CPNE8: variants seen among roughly 807,000 people sequenced by gnomAD.
CPNE8 encodes copine 8, also known as copine-8.
CPNE8 carries 45 observed loss-of-function variants against 81.5 expected under a neutral mutation model. The ratio of observed to expected loss-of-function variants is 0.55; its 90% CI spans 0.44 to 0.71. The LOEUF is 0.71. Among genes scored for constraint, CPNE8 ranks in the 30% least tolerant of loss-of-function variants. The pLI, the probability that CPNE8 is intolerant of heterozygous loss-of-function variation, is 0.00. For missense variants in CPNE8, 594 were observed against 672.1 expected (o/e 0.88, Z 1.28); for synonymous variants, 252 against 226.3 (o/e 1.11, Z -1.02).
At chr12:38,677,599 A>G (rs1158205193) in intron 16 of CPNE8, 45 bp from the exon 17 acceptor site, 2 of 1,059,268 alleles carry the variant, frequency 1.9e-6, no homozygotes, top group Non-Finnish European at 2.9e-6. Context: ...AGTTTTCTAT[A>G]TGTGATGGTT....
chr12:38,753,231 C>T (rs1476656579), intron 10 of CPNE8, among the ~76,000 whole-genome samples: 1 of 152,052 alleles, frequency 6.6e-6, no homozygotes, highest in African/African-American at 2.4e-5. Flanking sequence ...ACGGGTGGAT[C>T]ACTTGAGCTC....
intron 19 of CPNE8, among the ~76,000 whole-genome samples, chr12:38,657,327 G>A (rs1409127905): frequency 6.6e-6 from 1 of 152,100 alleles, no homozygotes; most frequent in African/African-American, 2.4e-5. Flanking sequence ...GTGGGGGGAG[G>A]GGTGTCCACC....
At chr12:38,881,190 A>C (rs1259978590) in intron 1 of CPNE8, among the ~76,000 whole-genome samples, 2 of 148,922 alleles carry the variant, frequency 1.3e-5, no homozygotes, top group Non-Finnish European at 3.0e-5. Context: ...AGCCTGGCGG[A>C]CACAGCGAGA....
At chr12:38,796,283 T>G (rs1282990319) in intron 6 of CPNE8, among the ~76,000 whole-genome samples, 1 of 150,996 alleles carries the variant, frequency 6.6e-6, no homozygotes, top group Non-Finnish European at 1.5e-5. Context: ...TGGGACTCCA[T>G]CTCAAAAAAT....
At chr12:38,826,307 A>G (rs949003729) in intron 6 of CPNE8, among the ~76,000 whole-genome samples, 2 of 152,220 alleles carry the variant, frequency 1.3e-5, no homozygotes, top group African/African-American at 4.8e-5. Context: ...TTCAGTAAGA[A>G]AGATAGAACC....
chr12:38,762,384 C>A (rs1019337181), intron 8 of CPNE8, among the ~76,000 whole-genome samples, 168 bp from the exon 9 acceptor site: 1 of 152,192 alleles, frequency 6.6e-6, no homozygotes, highest in African/African-American at 2.4e-5. Flanking sequence ...TGAAAGATCA[C>A]CTCACCATAA....
In CPNE8 at chr12:38,677,459, A is replaced by G. The variant is rs1939315166; in HGVS notation, c.1367T>C (p.Ile456Thr). The G allele has an allele frequency of 6.3e-7, 1 of 1,590,828 alleles. No individual in the cohort carries two copies. The highest frequency in any genetic ancestry group is 8.6e-7 in the Non-Finnish European group (1 of 1,159,166). ...ISDMAQTKES[I>T]VNASKLPMSI... ...GGAGTGACCCCCACTTACATTAACT[A>G]TGGACTCCTTAGTCTGGGCCATATC... The change falls in exon 17 of 20, where the codon ATA (isoleucine) becomes ACA (threonine). Residue 456 changes from isoleucine to threonine, a missense_variant. Coordinates refer to ENST00000331366, the MANE Select transcript of CPNE8 (RefSeq NM_153634.3).
At chr12:38,885,992 G>A (rs374694139) in intron 1 of CPNE8, among the ~76,000 whole-genome samples, 28 of 152,116 alleles carry the variant, frequency 1.8e-4, no homozygotes, top group African/African-American at 6.0e-4. Flanking sequence ...CATACAGAAC[G>A]GTGAGCCAAT....
intron 6 of CPNE8, among the ~76,000 whole-genome samples, chr12:38,784,725 T>C (rs1438549853): frequency 1.3e-5 from 2 of 151,828 alleles, no homozygotes; most frequent in Non-Finnish European, 1.5e-5. Flanking sequence ...GCATGACATA[T>C]ATAAAATGCT....
chr12:38,887,529 AT>A (rs201266345), intron 1 of CPNE8, among the ~76,000 whole-genome samples: 16 of 151,164 alleles, frequency 1.1e-4, no homozygotes, highest in Non-Finnish European at 1.5e-4. Context: ...ACATAATTTG[AT>A]TTTTTTTTGC....
chr12:38,884,938 G>T (rs1432080243), intron 1 of CPNE8, among the ~76,000 whole-genome samples: 2 of 151,954 alleles, frequency 1.3e-5, no homozygotes, highest in Admixed American at 6.6e-5. Flanking sequence ...AACTGATTAG[G>T]ATCCTTGAGA....
intron 17 of CPNE8, chr12:38,676,134 A>G: frequency 2.1e-6 from 1 of 471,070 alleles, no homozygotes; most frequent in Admixed American, 6.5e-5. Context: ...AAAAAATTAA[A>G]AAAGAAAAAA....
intron 1 of CPNE8, among the ~76,000 whole-genome samples, chr12:38,877,863 G>A (rs1565659137): frequency 6.6e-6 from 1 of 152,132 alleles, no homozygotes; most frequent in Non-Finnish European, 1.5e-5. Context: ...GACCTGCTAG[G>A]CTGCATTCCC....
At chr12:38,789,883 AAC>A (rs1422240003) in intron 6 of CPNE8, among the ~76,000 whole-genome samples, 1 of 151,884 alleles carries the variant, frequency 6.6e-6, no homozygotes, top group East Asian at 1.9e-4. Context: ...TGCAAGTCAA[AAC>A]TGCAATGAGA....
chr12:38,730,757 T>C (rs1940812742), intron 10 of CPNE8, among the ~76,000 whole-genome samples: 2 of 151,706 alleles, frequency 1.3e-5, no homozygotes, highest in African/African-American at 2.4e-5. Flanking sequence ...TAAAATATAA[T>C]AATTTAAGAA....
intron 10 of CPNE8, among the ~76,000 whole-genome samples, chr12:38,754,620 G>A (rs907269140): frequency 1.3e-5 from 2 of 151,072 alleles, no homozygotes; most frequent in African/African-American, 4.9e-5. Context: ...TACCACTTCA[G>A]GTATACTAGA....
intron 6 of CPNE8, among the ~76,000 whole-genome samples, chr12:38,799,825 C>T (rs1478121092): frequency 7.9e-4 from 117 of 148,272 alleles, no homozygotes; most frequent in African/African-American, 2.7e-3. Context: ...CGAAGCAGGG[C>T]GAGGCATTGC....
chr12:38,836,184 G>A (rs1027681171), intron 5 of CPNE8, among the ~76,000 whole-genome samples: 1 of 152,040 alleles, frequency 6.6e-6, no homozygotes, highest in Non-Finnish European at 1.5e-5. Flanking sequence ...TGTTCACAGG[G>A]CCTAACAGTA....
At chr12:38,838,874 T>C (rs530744303) in intron 5 of CPNE8, among the ~76,000 whole-genome samples, 2 of 152,136 alleles carry the variant, frequency 1.3e-5, no homozygotes, top group Non-Finnish European at 1.5e-5. Context: ...ATTTTCCAAA[T>C]CTGTTTCCTA....
Sources: gnomAD v4.1 joint callset for allele counts (sites outside exome capture counted in the v4.1 genomes callset) on GRCh38, gnomAD v4.1.1 for gene constraint, MANE v1.5 for transcripts, NCBI Gene and HGNC (gene_info 2026-07-23, HGNC 2026-07-21) for gene names.